The following C10orf90 variants were observed in gnomAD, a reference collection of about 807,000 sequenced individuals.
C10orf90 encodes (E2-independent) E3 ubiquitin-conjugating enzyme FATS.
C10orf90 carries 56 observed loss-of-function variants against 62.5 expected under a neutral mutation model. The ratio of observed to expected loss-of-function variants is 0.90; its 90% CI spans 0.72 to 1.12. C10orf90 has a LOEUF of 1.12. Ranked by LOEUF, C10orf90 falls within the 50% of genes most tolerant of loss-of-function variation. C10orf90 has a pLI of 0.00. For synonymous variants in C10orf90, 386 were observed against 340.4 expected (o/e 1.13, Z -1.47); for missense variants, 970 against 880.4 (o/e 1.10, Z -1.29).
At chr10:126,473,824 G>A (rs1447572158) in intron 4 of C10orf90, among the ~76,000 whole-genome samples, 2 of 152,022 alleles carry the variant, frequency 1.3e-5, no homozygotes, top group Non-Finnish European at 2.9e-5. Context: ...AGATTGCTGG[G>A]CCCACTCTGG....
At chr10:126,628,204 A>T (rs951422202) in intron 2 of C10orf90, among the ~76,000 whole-genome samples, 1 of 152,214 alleles carries the variant, frequency 6.6e-6, no homozygotes, top group Non-Finnish European at 1.5e-5. Flanking sequence ...AAATGAGACA[A>T]GGCAGCCTCT....
intron 2 of C10orf90, among the ~76,000 whole-genome samples, chr10:126,548,549 T>C (rs1026787195): frequency 6.6e-6 from 1 of 152,110 alleles, no homozygotes; most frequent in African/African-American, 2.4e-5. Flanking sequence ...GTATTTTTAG[T>C]AGAGATGGAG....
chr10:126,520,387 C>G (rs920166), intron 2 of C10orf90: 91,688 of 151,990 alleles, frequency 0.6, 29,090 homozygotes, highest in Middle Eastern at 0.75. Flanking sequence ...TTGAAGCACA[C>G]ATGTAGGGGG....
rs75969912 is a variant in C10orf90 at position 126,487,299 on chromosome 10, T to C, written c.1534+16658A>G. On this transcript the variant is annotated intron_variant, in intron 4 of 9. Coordinates refer to ENST00000488181, the MANE Select transcript of C10orf90 (RefSeq NM_001350921.2). ...CCAGAAGGAATAAAGACAAAATCCA[T>C]CAGATTCACTAAGGATAACACATCA... Among the ~76,000 whole-genome samples, 7 of 151,734 alleles carry C rather than the reference T, an allele frequency of 4.6e-5. No homozygotes were observed. In the East Asian group the frequency reaches 5.8e-4, roughly 13 times the overall value.
At chr10:126,449,859 T>C (rs1248814254) in intron 7 of C10orf90, among the ~76,000 whole-genome samples, 1 of 151,988 alleles carries the variant, frequency 6.6e-6, no homozygotes, top group Non-Finnish European at 1.5e-5. Context: ...TAGCCGGGCA[T>C]GGTGGCATGT....
chr10:126,620,883 A>C (rs1007878280), intron 2 of C10orf90, among the ~76,000 whole-genome samples: 1 of 152,240 alleles, frequency 6.6e-6, no homozygotes, highest in Non-Finnish European at 1.5e-5. Context: ...CAACTAGCTC[A>C]ACAACTATGG....
At chr10:126,489,996 AT>A (rs1365937873) in intron 4 of C10orf90, among the ~76,000 whole-genome samples, 43 of 100,606 alleles carry the variant, frequency 4.3e-4, no homozygotes, top group Non-Finnish European at 4.3e-4. Context: ...TATAATATAT[AT>A]TATATATTAT....
At chr10:126,597,077 T>A (rs979339003) in intron 2 of C10orf90, among the ~76,000 whole-genome samples, 3 of 152,194 alleles carry the variant, frequency 2.0e-5, no homozygotes, top group Non-Finnish European at 4.4e-5. Flanking sequence ...TACGGAGAAA[T>A]CTCAACTTTT....
At chr10:126,497,663 C>T (rs1485301909) in intron 4 of C10orf90, among the ~76,000 whole-genome samples, 2 of 152,166 alleles carry the variant, frequency 1.3e-5, no homozygotes, top group African/African-American at 4.8e-5. Context: ...GAGGGTCTGC[C>T]CTGGAGCAGG....
At chr10:126,443,791 C>A (rs113259715) in intron 7 of C10orf90, among the ~76,000 whole-genome samples, 25,273 of 151,954 alleles carry the variant, frequency 0.17, 2,426 homozygotes, top group Non-Finnish European at 0.23. Context: ...ACTAGCTAAC[C>A]AAATCCAACA....
chr10:126,521,911 T>C (rs115480722), intron 2 of C10orf90, among the ~76,000 whole-genome samples: 1,935 of 152,348 alleles, frequency 0.013, 50 homozygotes, highest in African/African-American at 0.044. Flanking sequence ...TAAAACTGAC[T>C]TTTAAAAAAA....
intron 2 of C10orf90, among the ~76,000 whole-genome samples, chr10:126,599,323 C>CT (rs1335869532): frequency 6.6e-6 from 1 of 151,680 alleles, no homozygotes; most frequent in East Asian, 1.9e-4. Flanking sequence ...GTAGCTGGGA[C>CT]TACAGGCGCC....
intron 7 of C10orf90, among the ~76,000 whole-genome samples, chr10:126,458,529 T>G (rs1235777260): frequency 6.6e-6 from 1 of 152,110 alleles, no homozygotes; most frequent in Admixed American, 6.5e-5. Flanking sequence ...CCCTCTCCAG[T>G]GAGTAAGTAA....
chr10:126,484,531 C>G (rs1164656901), intron 4 of C10orf90, among the ~76,000 whole-genome samples: 1 of 152,122 alleles, frequency 6.6e-6, no homozygotes, highest in Non-Finnish European at 1.5e-5. Flanking sequence ...GTATTTTTCA[C>G]CTATCAAATT....
intron 2 of C10orf90, among the ~76,000 whole-genome samples, chr10:126,552,628 C>T (rs982608028): frequency 1.3e-5 from 2 of 152,206 alleles, no homozygotes; most frequent in African/African-American, 4.8e-5. Context: ...ACCTGCAGCC[C>T]GATCGTGTGG....
chr10:126,523,980 A>G (rs1863856897), intron 2 of C10orf90, among the ~76,000 whole-genome samples: 1 of 152,214 alleles, frequency 6.6e-6, no homozygotes, highest in African/African-American at 2.4e-5. Flanking sequence ...CCATCAGTGG[A>G]CACTAGTCAC....
intron 1 of C10orf90, among the ~76,000 whole-genome samples, chr10:126,662,409 G>A (rs1394844532): frequency 6.6e-6 from 1 of 152,032 alleles, no homozygotes; most frequent in Non-Finnish European, 1.5e-5. Flanking sequence ...TGGTCATAGA[G>A]ACTTTCTCCC....
At chr10:126,523,667 A>G (rs892007884) in intron 2 of C10orf90, 1 of 152,170 alleles carries the variant, frequency 6.6e-6, no homozygotes, top group East Asian at 1.9e-4. Flanking sequence ...CATTACCATC[A>G]TCCATCTCTA....
chr10:126,662,385 C>T lies in C10orf90; in HGVS notation c.240+7856G>A, dbSNP rs114278089. On this transcript the variant is annotated intron_variant, in intron 1 of 9. Coordinates refer to ENST00000488181, the MANE Select transcript of C10orf90 (RefSeq NM_001350921.2). Reference sequence around the variant, plus strand: ...CCCCAGTAAGATGTTCTTTCCTTGCCAGTTTTCTCTGTCTGGTCATAGAGA... The same window carrying T: ...CCCCAGTAAGATGTTCTTTCCTTGCTAGTTTTCTCTGTCTGGTCATAGAGA... Among the ~76,000 whole-genome samples, 682 of 152,224 alleles carry T rather than the reference C, an allele frequency of 4.5e-3. 6 individuals are homozygous for T. The highest frequency in any genetic ancestry group is 0.016 in the African/African-American group (660 of 41,548).
Sources: gnomAD v4.1 joint callset for allele counts (sites outside exome capture counted in the v4.1 genomes callset) on GRCh38, gnomAD v4.1.1 for gene constraint, MANE v1.5 for transcripts, NCBI Gene and HGNC (gene_info 2026-07-23, HGNC 2026-07-21) for gene names.